The following EFCAB14 variants were observed in gnomAD, a reference collection of about 807,000 sequenced individuals.
EFCAB14 encodes EF-hand calcium binding domain 14, also known as EF-hand calcium-binding domain-containing protein 14.
A neutral mutation model predicts 56.5 loss-of-function variants in EFCAB14; 43 were observed. That is an observed-to-expected ratio of 0.76 (90% CI 0.60 to 0.98). The LOEUF is 0.98. Among genes scored for constraint, EFCAB14 ranks in the 50% least tolerant of loss-of-function variants. The pLI is 0.00. For missense variants in EFCAB14, 538 were observed against 580.3 expected (o/e 0.93, Z 0.75); for synonymous variants, 235 against 212.9 (o/e 1.10, Z -0.90).
At position 46,691,835 on chromosome 1, in the gene EFCAB14, T is replaced by G. The variant is rs770537787; in HGVS notation, c.682A>C (p.Ser228Arg). 3.1e-6 allele frequency: 5 copies of G among 1,612,774 alleles called. No individual in the cohort carries two copies. The South Asian group carries it at 4.4e-5, about 14-fold the overall frequency. The change falls in exon 5 of 11, where the codon AGT becomes CGT. Residue 228 changes from serine (S) to arginine (R), a missense_variant. Coordinates refer to ENST00000371933, the MANE Select transcript of EFCAB14 (RefSeq NM_014774.3). ...TTGCTGGGTCTCCTTACCATATCACTCTGCAGTAATTCCATCGTTTTCTTG... is the reference window on the plus strand; with the variant it reads ...TTGCTGGGTCTCCTTACCATATCACGCTGCAGTAATTCCATCGTTTTCTTG... ...EHKKTMELLQ[S>R]DMNQHFLKET...
At chr1:46,701,954 C>T (rs1028842469) in intron 3 of EFCAB14, among the ~76,000 whole-genome samples, 7 of 152,202 alleles carry the variant, frequency 4.6e-5, no homozygotes, top group Admixed American at 2.6e-4. Flanking sequence ...ATATATGTAA[C>T]TAAAATGGAG....
At position 46,683,193 on chromosome 1, in the gene EFCAB14, CT is replaced by C. The variant is rs145683437; in HGVS notation, c.1312+106del. ...ATATAAAGTATCTGGCACTTGATATCTCCTCAATAAATGTTAGATCATATAT... is the reference window on the plus strand; with the variant it reads ...ATATAAAGTATCTGGCACTTGATATCCCTCAATAAATGTTAGATCATATAT... On this transcript the variant is annotated intron_variant, in intron 10 of 10. Coordinates refer to ENST00000371933, the MANE Select transcript of EFCAB14 (RefSeq NM_014774.3). 3.4e-5 allele frequency: 44 copies of C among 1,300,160 alleles called. No individual in the cohort carries two copies. In the East Asian group the frequency reaches 9.9e-4, roughly 29 times the overall value. The allele number at this position is 1,300,160 out of a possible 1,614,324, so 80.5% of individuals were successfully genotyped here.
chr1:46,676,616 G>T lies in EFCAB14; in HGVS notation c.*1845C>A, dbSNP rs1008865054. ...TTTGGTTGTTAGAAAATCTGTAAGG[G>T]TGTATATATATTAAAAAAAGGTGTG... On this transcript the variant is annotated 3_prime_UTR_variant, in exon 11 of 11. Transcript: ENST00000371933. The T allele has an allele frequency of 6.6e-6, 1 of 152,512 alleles. No individual in the cohort carries two copies. Among genetic ancestry groups the T allele is most frequent in the Non-Finnish European group, 1.5e-5 (1 of 68,020 alleles). The allele number at this position is 152,512 out of a possible 1,614,324, so 9.4% of individuals were successfully genotyped here. A position where few individuals can be genotyped will look rare whatever the true frequency, so the allele number is the denominator to read the frequency against.
At chr1:46,679,752 A>T (rs1434469206) in intron 10 of EFCAB14, among the ~76,000 whole-genome samples, 3 of 151,692 alleles carry the variant, frequency 2.0e-5, no homozygotes, top group Non-Finnish European at 4.4e-5. Context: ...CTGGCATGAC[A>T]GGTGTGTATC....
At chr1:46,695,936 T>A (rs114187612) in intron 4 of EFCAB14, among the ~76,000 whole-genome samples, 1,838 of 152,234 alleles carry the variant, frequency 0.012, 34 homozygotes, top group African/African-American at 0.042. Context: ...TGGCTCAGCC[T>A]CCCAAAACGT....
intron 3 of EFCAB14, among the ~76,000 whole-genome samples, chr1:46,703,131 CAG>C (rs1677184077): frequency 6.6e-6 from 1 of 150,392 alleles, no homozygotes; most frequent in Non-Finnish European, 1.5e-5. Flanking sequence ...TTTTTTGAGA[CAG>C]AGTCTTGCTC....
rs1187122822 is a variant in EFCAB14 at position 46,676,547 on chromosome 1, T to A, written c.*1914A>T. On this transcript the variant is annotated 3_prime_UTR_variant, in exon 11 of 11. Coordinates refer to ENST00000371933, the MANE Select transcript of EFCAB14 (RefSeq NM_014774.3). Reference sequence around the variant, plus strand: ...CAGACATACTATTTATGGTACAGTATATACAAATATAGCAGTATAATTCAA... The same window carrying A: ...CAGACATACTATTTATGGTACAGTAAATACAAATATAGCAGTATAATTCAA... 1.3e-5 allele frequency: 2 copies of A among 152,638 alleles called. No individual in the cohort carries two copies. The highest frequency in any genetic ancestry group is 2.9e-5 in the Non-Finnish European group (2 of 68,042). 9.5% of individuals were successfully genotyped at this position (152,638 alleles called of 1,614,324 possible). A position where few individuals can be genotyped will look rare whatever the true frequency, so the allele number is the denominator to read the frequency against.
At chr1:46,700,105 T>C (rs767326551) in intron 3 of EFCAB14, among the ~76,000 whole-genome samples, 1 of 152,202 alleles carries the variant, frequency 6.6e-6, no homozygotes, top group Non-Finnish European at 1.5e-5. Context: ...AGAACCAGTC[T>C]GCTAAGCTGC....
chr1:46,708,096 C>T (rs897657920), intron 2 of EFCAB14, 45 bp from the exon 3 acceptor site: 1 of 1,572,168 alleles, frequency 6.4e-7, no homozygotes, highest in Non-Finnish European at 8.6e-7. Context: ...ATAAAGTGCC[C>T]TCATGGTCCT....
intron 2 of EFCAB14, among the ~76,000 whole-genome samples, chr1:46,709,257 C>T (rs952229553): frequency 2.0e-5 from 3 of 152,192 alleles, no homozygotes; most frequent in Non-Finnish European, 2.9e-5. Context: ...CATCACTTTA[C>T]CTACCTCTTC....
Position 46,678,339 on chromosome 1 carries a change from A to G in EFCAB14, c.*122T>C. On this transcript the variant is annotated 3_prime_UTR_variant, in exon 11 of 11. Transcript: ENST00000371933. ...ATATAGCTTCTTCAAACAAGTTAAA[A>G]GGTGGCAAAGTATCTGCTACAGTAG... 1 of 964,954 alleles carries G rather than the reference A, an allele frequency of 1.0e-6. No homozygotes were observed. The highest frequency in any genetic ancestry group is 1.5e-6 in the Non-Finnish European group (1 of 662,208). The allele number at this position is 964,954 out of a possible 1,614,324, so 59.8% of individuals were successfully genotyped here.
intron 3 of EFCAB14, among the ~76,000 whole-genome samples, chr1:46,706,027 G>C (rs544164759): frequency 1.5e-4 from 23 of 151,602 alleles, no homozygotes; most frequent in Admixed American, 1.4e-3. Flanking sequence ...ACCATGCCCG[G>C]CTAATTATTT....
Position 46,717,177 on chromosome 1 carries a change from T to C in EFCAB14, c.185+726A>G, listed in dbSNP as rs146674213. On this transcript the variant is annotated intron_variant, in intron 1 of 10. Transcript: ENST00000371933. ...ACTCTTCCTTTAACAAAACAAGACA[T>C]TTTAAACCAACCAACCACTCAATGT... Among the ~76,000 whole-genome samples the C allele has an allele frequency of 3.6e-3, 543 of 152,312 alleles. 1 individual carries two copies. Among genetic ancestry groups the C allele is most frequent in the Admixed American group, 7.0e-3 (107 of 15,306 alleles).
intron 9 of EFCAB14, 95 bp downstream of exon 9, chr1:46,684,396 C>A: frequency 1.0e-6 from 1 of 964,360 alleles, no homozygotes; most frequent in South Asian, 1.4e-5. Context: ...TCGCTTGGTG[C>A]GATCAGTACT....
At chr1:46,711,965 C>CAGTGTGACCGAT (rs1553123776) in intron 2 of EFCAB14, among the ~76,000 whole-genome samples, 1 of 152,182 alleles carries the variant, frequency 6.6e-6, no homozygotes, top group African/African-American at 2.4e-5. Context: ...AATTACTATA[C>CAGTGTGACCGAT]AGTGTGACCG....
chr1:46,685,887 A>G lies in EFCAB14; in HGVS notation c.1074+897T>C, dbSNP rs1246325190. 2.6e-5 allele frequency among the ~76,000 whole-genome samples: 4 copies of G among 152,206 alleles called. No individual in the cohort carries two copies. In the East Asian group the frequency reaches 7.7e-4, roughly 29 times the overall value. On this transcript the variant is annotated intron_variant, in intron 8 of 10. Coordinates refer to ENST00000371933, the MANE Select transcript of EFCAB14 (RefSeq NM_014774.3). ...AAACTCAACAAAAGCTTAGCTTATG[A>G]TGCATTAAAACCTTAATATATTGTG...
rs1451889070 is a variant in EFCAB14 at position 46,718,055 on chromosome 1, A to G, written c.33T>C (p.Ile11=). 1 of 1,614,018 alleles carries G rather than the reference A, an allele frequency of 6.2e-7. No homozygotes were observed. Among genetic ancestry groups the G allele is most frequent in the Non-Finnish European group, 8.5e-7 (1 of 1,179,952 alleles). ...TTCTCCGGCTGTCCCCAGCCAAACC[A>G]ATCAATGCATTGAGCTCTTTGCGCT... MKKRKELNAL[I]GLAGDSRRKK... The change falls in exon 1 of 11, where the codon ATT becomes ATC. Residue 11 remains isoleucine, a synonymous_variant. Transcript: ENST00000371933.
At chr1:46,705,393 T>C (rs1038739911) in intron 3 of EFCAB14, among the ~76,000 whole-genome samples, 1 of 152,256 alleles carries the variant, frequency 6.6e-6, no homozygotes, top group Non-Finnish European at 1.5e-5. Flanking sequence ...TTCCTATTTA[T>C]AGCAGGTTCT....
intron 3 of EFCAB14, among the ~76,000 whole-genome samples, chr1:46,704,124 CT>C (rs1196991200): frequency 2.0e-5 from 3 of 152,074 alleles, no homozygotes; most frequent in African/African-American, 7.2e-5. Context: ...TGCTTTACAA[CT>C]GTTTACTTTT....
Sources: allele counts gnomAD v4.1 joint callset (sites outside exome capture counted in the v4.1 genomes callset), GRCh38; gene constraint gnomAD v4.1.1; transcripts MANE v1.5; gene names NCBI Gene and HGNC (gene_info 2026-07-23, HGNC 2026-07-21).